The following CDH23 variants were observed in gnomAD, a reference collection of about 807,000 sequenced individuals.
CDH23 encodes the protein cadherin related 23.
CDH23 carries 189 observed loss-of-function variants against 317.1 expected under a neutral mutation model. The observed-to-expected ratio is 0.60, with a 90% CI of 0.53 to 0.67. CDH23 has a LOEUF of 0.67. CDH23 is among the 30% of genes least tolerant of loss of function. The pLI, the probability that CDH23 is intolerant of heterozygous loss-of-function variation, is 0.00. For missense variants in CDH23, 4,401 were observed against 4,592.4 expected (o/e 0.96, Z 1.20); for synonymous variants, 1,839 against 1,876.8 (o/e 0.98, Z 0.52).
At chr10:71,432,625 C>T (rs1384915767) in intron 1 of CDH23, among the ~76,000 whole-genome samples, 1 of 152,126 alleles carries the variant, frequency 6.6e-6, no homozygotes, top group Non-Finnish European at 1.5e-5. Context: ...AGTATGGGGC[C>T]AAGTGCCAGC....
chr10:71,664,881 T>C (rs2132641565), intron 14 of CDH23, among the ~76,000 whole-genome samples: 1 of 149,264 alleles, frequency 6.7e-6, no homozygotes, highest in African/African-American at 2.5e-5. Context: ...TCTCTCCTTC[T>C]CCCTCTCCCC....
chr10:71,459,004 G>A (rs1348993121), intron 3 of CDH23, among the ~76,000 whole-genome samples: 4 of 151,220 alleles, frequency 2.6e-5, no homozygotes, highest in Admixed American at 2.6e-4. Flanking sequence ...AGCCAGGATG[G>A]TCTCGATCTC....
rs2132846291 is a variant in CDH23 at position 71,740,919 on chromosome 10, G to A, written c.4586G>A (p.Ser1529Asn). The A allele has an allele frequency of 6.2e-7, 1 of 1,613,992 alleles. No individual in the cohort carries two copies. The highest frequency in any genetic ancestry group is 1.1e-5 in the South Asian group (1 of 91,088). ...AATGACAACCCTCCAGTCATCGAGAGCCCCTTTGGATACAATGTCAGTGTG... is the reference window on the plus strand; with the variant it reads ...AATGACAACCCTCCAGTCATCGAGAACCCCTTTGGATACAATGTCAGTGTG... ...DINDNPPVIE[S>N]PFGYNVSVNE... Residue 1529 changes from serine (S) to asparagine (N), a missense_variant, in exon 37 of 70, where the codon AGC becomes AAC. Physicochemically the swap from Ser to Asn is conservative, Grantham distance 46. Around this residue, in one of 3 missense-constraint regions of CDH23, gnomAD observed 3,068 missense variants for 3,203.3 expected, o/e 0.96. Coordinates refer to ENST00000224721, the MANE Select transcript of CDH23 (RefSeq NM_022124.6).
intron 9 of CDH23, among the ~76,000 whole-genome samples, chr10:71,610,780 G>C (rs888818981): frequency 1.2e-4 from 17 of 143,480 alleles, no homozygotes; most frequent in East Asian, 6.6e-4. Flanking sequence ...AATCTGAAAA[G>C]GTCTTGATTC....
intron 38 of CDH23, among the ~76,000 whole-genome samples, chr10:71,759,101 G>A (rs1048094882): frequency 2.0e-5 from 3 of 151,866 alleles, no homozygotes; most frequent in Non-Finnish European, 2.9e-5. Context: ...GCAGTGGCGC[G>A]ATCTCGGCTC....
chr10:71,419,845 G>A (rs1431345657), intron 1 of CDH23, among the ~76,000 whole-genome samples: 1 of 152,166 alleles, frequency 6.6e-6, no homozygotes, highest in African/African-American at 2.4e-5. Context: ...TCAGGCAGGA[G>A]AACAGCTGTT....
At chr10:71,405,432 C>CT (rs397824446) in intron 1 of CDH23, among the ~76,000 whole-genome samples, 6,797 of 130,642 alleles carry the variant, frequency 0.052, 459 homozygotes, top group African/African-American at 0.14. Context: ...GGTAGACTAT[C>CT]TTTTTTTTTT....
At chr10:71,715,829 G>C (rs1340452805) in intron 28 of CDH23, 2 of 1,160,234 alleles carry the variant, frequency 1.7e-6, no homozygotes, top group East Asian at 5.9e-5. Flanking sequence ...GTGTGTCCCA[G>C]ACTGCTTGGG....
At chr10:71,786,775 G>A (rs1338414118) in intron 44 of CDH23, among the ~76,000 whole-genome samples, 1 of 152,120 alleles carries the variant, frequency 6.6e-6, no homozygotes, top group African/African-American at 2.4e-5. Flanking sequence ...TGGGATTACA[G>A]GTGTGAGCCA....
chr10:71,802,723 G>A (rs974332730), intron 53 of CDH23, among the ~76,000 whole-genome samples, 175 bp from the exon 54 acceptor site: 4 of 152,210 alleles, frequency 2.6e-5, no homozygotes, highest in Admixed American at 2.6e-4. Flanking sequence ...GGTAACTGAG[G>A]CTCAGGGGGT....
At chr10:71,516,294 A>G (rs1418781577) in intron 6 of CDH23, among the ~76,000 whole-genome samples, 1 of 152,134 alleles carries the variant, frequency 6.6e-6, no homozygotes, top group Non-Finnish European at 1.5e-5. Flanking sequence ...TGAGGCTACT[A>G]TGGGGAAGGG....
At position 71,778,222 on chromosome 10, in the gene CDH23, G is replaced by C; in HGVS notation, c.5101G>C (p.Glu1701Gln). The part of the protein sequence containing the change: ...VITAAKELDY[E>Q]ISHGRYTLIV... Reference sequence around the variant, plus strand: ...CACTGCTGCCAAAGAGCTGGACTACGAGATCAGCCACGGCCGCTACACCCT... The same window carrying C: ...CACTGCTGCCAAAGAGCTGGACTACCAGATCAGCCACGGCCGCTACACCCT... Residue 1701 changes from glutamate to glutamine, a missense_variant, in exon 40 of 70, where the codon GAG (glutamate) becomes CAG (glutamine). Around this residue, in one of 3 missense-constraint regions of CDH23, gnomAD observed 3,068 missense variants for 3,203.3 expected, o/e 0.96. Coordinates refer to ENST00000224721, the MANE Select transcript of CDH23 (RefSeq NM_022124.6). 1 of 1,613,804 alleles carries C rather than the reference G, an allele frequency of 6.2e-7. No individual in the cohort carries two copies. Among genetic ancestry groups the C allele is most frequent in the Non-Finnish European group, 8.5e-7 (1 of 1,179,812 alleles).
At chr10:71,574,659 C>T (rs1246981840) in intron 8 of CDH23, among the ~76,000 whole-genome samples, 1 of 152,156 alleles carries the variant, frequency 6.6e-6, no homozygotes, top group East Asian at 1.9e-4. Context: ...GGACGTGGGT[C>T]CCTGAGGCCA....
chr10:71,562,296 C>T (rs1432830448), intron 6 of CDH23, among the ~76,000 whole-genome samples: 2 of 152,326 alleles, frequency 1.3e-5, no homozygotes, highest in South Asian at 2.1e-4. Context: ...CCCGTCCGGC[C>T]ACCTCCCCAT....
rs113994383 is a variant in CDH23 at position 71,496,639 on chromosome 10, T to A, written c.146-13443T>A. Reference sequence around the variant, plus strand: ...CCAGTGTGCTGACAAGTGTGGGAACTGCTGACCTCTAGGTTTTCCTCCATC... The same window carrying A: ...CCAGTGTGCTGACAAGTGTGGGAACAGCTGACCTCTAGGTTTTCCTCCATC... On this transcript the variant is annotated intron_variant, in intron 3 of 69. Transcript: ENST00000224721. Among the ~76,000 whole-genome samples the A allele has an allele frequency of 8.2e-3, 1,256 of 152,362 alleles. 17 individuals carry two copies. The highest frequency in any genetic ancestry group is 0.028 in the African/African-American group (1,175 of 41,580).
chr10:71,662,908 G>A (rs532458025), intron 14 of CDH23, among the ~76,000 whole-genome samples: 21 of 152,190 alleles, frequency 1.4e-4, no homozygotes, highest in Admixed American at 2.6e-4. Flanking sequence ...CAGGCTGAGC[G>A]GAGAATCCTG....
chr10:71,435,201 G>T (rs1272303634), intron 1 of CDH23, among the ~76,000 whole-genome samples: 1 of 152,190 alleles, frequency 6.6e-6, no homozygotes, highest in Admixed American at 6.5e-5. Flanking sequence ...GCCTCTCTGA[G>T]CCCCAGCATG....
At chr10:71,747,636 C>T (rs1269863330) in intron 38 of CDH23, 1 of 152,242 alleles carries the variant, frequency 6.6e-6, no homozygotes, top group Non-Finnish European at 1.5e-5. Flanking sequence ...TGTTAAATGG[C>T]AGCAATAAAA....
intron 9 of CDH23, among the ~76,000 whole-genome samples, chr10:71,598,543 G>C (rs1379638837): frequency 6.6e-6 from 1 of 152,210 alleles, no homozygotes; most frequent in Non-Finnish European, 1.5e-5. Flanking sequence ...CCTGCCGACA[G>C]ACTAGGGGTC....
Sources: allele counts gnomAD v4.1 joint callset (sites outside exome capture counted in the v4.1 genomes callset), GRCh38; gene constraint gnomAD v4.1.1; regional missense constraint gnomAD v4.1.1; transcripts MANE v1.5; gene names NCBI Gene and HGNC (gene_info 2026-07-23, HGNC 2026-07-21).